Variants in LNPEP observed in about 807,000 individuals in gnomAD.
LNPEP encodes leucyl and cystinyl aminopeptidase, also known as leucyl-cystinyl aminopeptidase.
In LNPEP, 64 loss-of-function variants were observed where a neutral mutation model predicts 120.6. The ratio of observed to expected loss-of-function variants is 0.53; its 90% CI spans 0.43 to 0.65. The LOEUF is 0.65. Ranked by LOEUF, LNPEP falls within the 30% of genes least tolerant of loss-of-function variation. The pLI is 0.00. For missense variants in LNPEP, 1,057 were observed against 1,200.0 expected (o/e 0.88, Z 1.76); for synonymous variants, 435 against 425.4 (o/e 1.02, Z -0.28).
chr5:96,964,904 C>T (rs982755906), intron 1 of LNPEP, among the ~76,000 whole-genome samples: 1 of 152,016 alleles, frequency 6.6e-6, no homozygotes, highest in Non-Finnish European at 1.5e-5. Flanking sequence ...AATGTATAAA[C>T]TTAGTTGCTA....
chr5:96,957,865 T>C (rs190276031), intron 1 of LNPEP, among the ~76,000 whole-genome samples: 1 of 152,358 alleles, frequency 6.6e-6, no homozygotes, highest in Admixed American at 6.5e-5. Context: ...CTTTGCTATA[T>C]TGGTTTGAGT....
chr5:97,000,363 GAGACTGCTATTCTTTGAA>G (rs1382789918), intron 8 of LNPEP, among the ~76,000 whole-genome samples: 1 of 152,190 alleles, frequency 6.6e-6, no homozygotes, highest in African/African-American at 2.4e-5. Flanking sequence ...TAGGAGGCCT[GAGACTGCTATTCTTTGAA>G]AGACCTGCTT....
chr5:96,954,731 T>G (rs573323062), intron 1 of LNPEP, among the ~76,000 whole-genome samples: 1 of 107,724 alleles, frequency 9.3e-6, no homozygotes, highest in Non-Finnish European at 1.9e-5. Flanking sequence ...TACATATATA[T>G]ATACATATAT....
intron 1 of LNPEP, chr5:96,936,536 C>T (rs1029152352): frequency 5.7e-6 from 1 of 176,478 alleles, no homozygotes; most frequent in African/African-American, 2.4e-5. Context: ...CCTGTAGGAG[C>T]GTTAAGTTGT....
chr5:97,029,595 A>G lies in LNPEP; in HGVS notation c.*1062A>G, dbSNP rs1791431145. 1 of 152,298 alleles carries G rather than the reference A, an allele frequency of 6.6e-6. No individual in the cohort carries two copies. Among genetic ancestry groups the G allele is most frequent in the South Asian group, 2.1e-4 (1 of 4,830 alleles). 9.4% of individuals were successfully genotyped at this position (152,298 alleles called of 1,614,324 possible). The stretch of plus-strand genomic sequence containing the variant: ...AGAGCCTTTGAGAAATTGAAAAACA[A>G]TTATTTGAAGTTCACCATAGTACCT... On this transcript the variant is annotated 3_prime_UTR_variant, in exon 18 of 18. Coordinates refer to ENST00000231368, the MANE Select transcript of LNPEP (RefSeq NM_005575.3).
intron 6 of LNPEP, among the ~76,000 whole-genome samples, chr5:96,995,030 C>A (rs182225146): frequency 1.3e-5 from 2 of 152,130 alleles, no homozygotes; most frequent in African/African-American, 4.8e-5. Context: ...ATCACTTGAA[C>A]CCAGGAGGCA....
chr5:96,996,360 C>T (rs748469530), intron 6 of LNPEP, 30 bp from the exon 7 acceptor site: 1 of 1,217,432 alleles, frequency 8.2e-7, no homozygotes, highest in Non-Finnish European at 1.2e-6. Flanking sequence ...TGTAAATATC[C>T]TGTGGGTTAA....
rs1335385646 is a variant in LNPEP at position 97,036,753 on chromosome 5, T to A, written c.*8220T>A. On this transcript the variant is annotated 3_prime_UTR_variant, in exon 18 of 18. Coordinates refer to ENST00000231368, the MANE Select transcript of LNPEP (RefSeq NM_005575.3). ...GCAAAGAAATGTTACATACTGTATATCAAACTCTCAGATTCTAGTGTTGAA... is the reference window on the plus strand; with the variant it reads ...GCAAAGAAATGTTACATACTGTATAACAAACTCTCAGATTCTAGTGTTGAA... 6.6e-6 allele frequency: 1 copy of A among 152,162 alleles called. No homozygotes were observed. Among genetic ancestry groups the A allele is most frequent in the African/African-American group, 2.4e-5 (1 of 41,450 alleles). The allele number at this position is 152,162 out of a possible 1,614,324, so 9.4% of individuals were successfully genotyped here.
intron 6 of LNPEP, among the ~76,000 whole-genome samples, chr5:96,994,709 A>G (rs1023774193): frequency 1.2e-4 from 18 of 152,224 alleles, no homozygotes; most frequent in Non-Finnish European, 2.4e-4. Context: ...TATGAATAGG[A>G]TGTATTCTGG....
chr5:96,937,351 T>G (rs1015772386), intron 1 of LNPEP: 1 of 152,240 alleles, frequency 6.6e-6, no homozygotes, highest in African/African-American at 2.4e-5. Context: ...GAATGCTTTA[T>G]TCTACTGCCA....
intron 1 of LNPEP, among the ~76,000 whole-genome samples, chr5:96,948,591 T>C (rs1198247692): frequency 6.6e-6 from 1 of 152,234 alleles, no homozygotes. Context: ...TATGCTACCT[T>C]GTTCTAAGCT....
At chr5:96,939,434 T>A (rs1367801039) in intron 1 of LNPEP, among the ~76,000 whole-genome samples, 2 of 152,094 alleles carry the variant, frequency 1.3e-5, no homozygotes, top group Admixed American at 6.5e-5. Flanking sequence ...GGTGAACTCC[T>A]GACCTCAAGT....
At chr5:96,963,440 C>G (rs553022072) in intron 1 of LNPEP, among the ~76,000 whole-genome samples, 1 of 152,240 alleles carries the variant, frequency 6.6e-6, no homozygotes, top group East Asian at 1.9e-4. Context: ...GACTTGGAGC[C>G]GGATGGTCTA....
At chr5:96,990,327 C>G (rs988821792) in intron 4 of LNPEP, among the ~76,000 whole-genome samples, 1 of 152,122 alleles carries the variant, frequency 6.6e-6, no homozygotes, top group African/African-American at 2.4e-5. Context: ...AGTCCTGTAT[C>G]AAGGGCTTCA....
At chr5:96,940,934 A>T (rs995775435) in intron 1 of LNPEP, among the ~76,000 whole-genome samples, 16 of 152,146 alleles carry the variant, frequency 1.1e-4, no homozygotes, top group African/African-American at 3.9e-4. Flanking sequence ...ATATATTCTA[A>T]AGGGGAGAAG....
chr5:96,953,894 A>T lies in LNPEP; in HGVS notation c.19+17720A>T, dbSNP rs529260009. 6.6e-5 allele frequency among the ~76,000 whole-genome samples: 10 copies of T among 152,270 alleles called. No individual in the cohort carries two copies. In the East Asian group the frequency reaches 1.9e-3, roughly 29 times the overall value. The stretch of plus-strand genomic sequence containing the variant: ...ATGCAAAGGTTATTTTTGATTCTGA[A>T]CCCATAGCAGTTTCTAACCGGTGTT... On this transcript the variant is annotated intron_variant, in intron 1 of 17. Transcript: ENST00000231368.
intron 12 of LNPEP, among the ~76,000 whole-genome samples, chr5:97,014,201 A>G (rs1457566827): frequency 1.3e-5 from 2 of 152,168 alleles, no homozygotes; most frequent in Non-Finnish European, 2.9e-5. Flanking sequence ...TTTGAGGGAC[A>G]TCTCTGATGG....
rs779176650 is a variant in LNPEP, at chr5:96,996,540, A to T, written c.1521+37A>T. On this transcript the variant is annotated intron_variant, in intron 7 of 17. Coordinates refer to ENST00000231368, the MANE Select transcript of LNPEP (RefSeq NM_005575.3). The stretch of plus-strand genomic sequence containing the variant: ...GTTTCTTTGGCCTACTATGAATGCT[A>T]GGAGGAAAAATAGTCAAATCACATT... The T allele has an allele frequency of 1.2e-5, 12 of 1,008,970 alleles. No homozygotes were observed. In the South Asian group the frequency reaches 1.6e-4, roughly 13 times the overall value. 62.5% of individuals were successfully genotyped at this position (1,008,970 alleles called of 1,614,324 possible). A position where few individuals can be genotyped will look rare whatever the true frequency, so the allele number is the denominator to read the frequency against.
rs1259854503 is a variant in LNPEP at position 96,954,660 on chromosome 5, A to G, written c.19+18486A>G. ...TATATACATATATACATATATACACATATATACATATATACACATATATAC... is the reference window on the plus strand; with the variant it reads ...TATATACATATATACATATATACACGTATATACATATATACACATATATAC... On this transcript the variant is annotated intron_variant, in intron 1 of 17. Transcript: ENST00000231368. Among the ~76,000 whole-genome samples the G allele has an allele frequency of 1.7e-5, 2 of 116,020 alleles. 1 individual carries two copies. Among genetic ancestry groups the G allele is most frequent in the Non-Finnish European group, 3.7e-5 (2 of 54,370 alleles). The allele number at this position is 116,020 out of a possible 152,430, so 76.1% of individuals were successfully genotyped here. A position where few individuals can be genotyped will look rare whatever the true frequency, so the allele number is the denominator to read the frequency against.
Sources: allele counts gnomAD v4.1 joint callset (sites outside exome capture counted in the v4.1 genomes callset), GRCh38; gene constraint gnomAD v4.1.1; transcripts MANE v1.5; gene names NCBI Gene and HGNC (gene_info 2026-07-23, HGNC 2026-07-21).